Variants in MSANTD7 observed in about 807,000 individuals in gnomAD.
MSANTD7 encodes the protein zinc finger and SCAN domain containing 29.
chr10:14,838,517 TG>T, the MSANTD7 span: 13 of 1,499,834 alleles, frequency 8.7e-6, no homozygotes, highest in Non-Finnish European at 1.1e-5. Flanking sequence ...TTTCTGGCGC[TG>T]GGTCATCCAC....
At chr10:14,843,796 G>C in the MSANTD7 span, 1 of 1,536,360 alleles carries the variant, frequency 6.5e-7, no homozygotes, top group Non-Finnish European at 8.7e-7. Flanking sequence ...TGTCATCGCA[G>C]TCAGACGTTT....
the MSANTD7 span, chr10:14,840,220 A>G: frequency 1.2e-6 from 1 of 844,404 alleles, no homozygotes; most frequent in Non-Finnish European, 1.7e-6. Flanking sequence ...TTCTAAGCAT[A>G]ATGTGAAAAG....
the MSANTD7 span, chr10:14,839,761 A>C: frequency 2.1e-6 from 1 of 474,738 alleles, no homozygotes; most frequent in East Asian, 3.4e-5. Context: ...AAACGAGGAA[A>C]TTAAATGGTA....
chr10:14,845,600 T>TA, the MSANTD7 span: 33,453 of 838,162 alleles, frequency 0.04, 570 homozygotes, highest in Admixed American at 0.083. Flanking sequence ...TTATTATTAT[T>TA]TTTTTTTTTT....
At chr10:14,843,580 A>G in the MSANTD7 span, 1 of 1,550,666 alleles carries the variant, frequency 6.4e-7, no homozygotes, top group Non-Finnish European at 8.7e-7. Flanking sequence ...TGGTGGGGAT[A>G]GGCCCTTGAC....
chr10:14,842,711 A>G, the MSANTD7 span: 1 of 1,536,484 alleles, frequency 6.5e-7, no homozygotes, highest in East Asian at 2.4e-5. The surrounding 1 kb of genome is among the most constrained non-coding windows in gnomAD (Gnocchi z 5.2). Context: ...AAAATCAAAA[A>G]GGACTCAGGC....
At chr10:14,842,264 A>G in the MSANTD7 span, 23 of 1,535,164 alleles carry the variant, frequency 1.5e-5, no homozygotes, top group African/African-American at 2.9e-4. This position sits in a 1 kb window ranked among gnomAD's most constrained non-coding sequence, Gnocchi z 5.2. Context: ...GAAGCTGCCT[A>G]GCCCTCCTTT....
chr10:14,846,686 C>G, the MSANTD7 span: 1 of 960,760 alleles, frequency 1.0e-6, no homozygotes, highest in African/African-American at 1.8e-5. Context: ...TTGTGAGGAT[C>G]AAAGGAACAG....
chr10:14,840,059 T>TA, the MSANTD7 span: 241 of 1,178,710 alleles, frequency 2.0e-4, no homozygotes, highest in African/African-American at 4.2e-3. Flanking sequence ...TATATATATA[T>TA]TATTTTTTTT....
chr10:14,840,230 G>A, the MSANTD7 span: 1 of 744,522 alleles, frequency 1.3e-6, no homozygotes, highest in Non-Finnish European at 2.0e-6. Flanking sequence ...AATGTGAAAA[G>A]AAATTAGAAA....
the MSANTD7 span, chr10:14,838,647 G>C: frequency 1.7e-6 from 1 of 571,852 alleles, no homozygotes. Flanking sequence ...CCTCCGGAAA[G>C]TCGTCTACTC....
the MSANTD7 span, chr10:14,841,269 G>A: frequency 6.6e-6 from 1 of 152,106 alleles, no homozygotes; most frequent in African/African-American, 2.4e-5. Context: ...ATAAAACTTA[G>A]TACCGAGCAT....
At chr10:14,843,240 C>T in the MSANTD7 span, 9 of 1,131,682 alleles carry the variant, frequency 8.0e-6, no homozygotes, top group African/African-American at 7.7e-5. Flanking sequence ...ATGGATTCTT[C>T]CCAGTCCCTG....
the MSANTD7 span, chr10:14,842,510 G>A: frequency 0.086 from 132,769 of 1,536,000 alleles, 6,332 homozygotes; most frequent in Middle Eastern, 0.13. This position sits in a 1 kb window ranked among gnomAD's most constrained non-coding sequence, Gnocchi z 5.2. Context: ...ATATTTAAAG[G>A]CCTATGTTGC....
At chr10:14,840,034 A>G in the MSANTD7 span, 32 of 1,386,228 alleles carry the variant, frequency 2.3e-5, 1 homozygote, top group South Asian at 3.9e-4. Flanking sequence ...AAAATTACAT[A>G]CATTGTAATA....
At chr10:14,842,847 G>A in the MSANTD7 span, 1 of 1,525,740 alleles carries the variant, frequency 6.6e-7, no homozygotes, top group Non-Finnish European at 8.8e-7. The surrounding 1 kb of genome is among the most constrained non-coding windows in gnomAD (Gnocchi z 5.2). Flanking sequence ...TCGGGTGCAG[G>A]TAACTCCCAA....
chr10:14,846,703 G>C, the MSANTD7 span: 3 of 974,744 alleles, frequency 3.1e-6, no homozygotes, highest in Non-Finnish European at 3.7e-6. Flanking sequence ...ACAGATGAAT[G>C]TATGAGCACT....
chr10:14,843,833 G>T, the MSANTD7 span: 11 of 1,536,392 alleles, frequency 7.2e-6, no homozygotes, highest in Admixed American at 2.2e-4. Context: ...GAGGCAACTG[G>T]TGCTTTTCAG....
chr10:14,845,965 A>G, the MSANTD7 span: 1 of 908,974 alleles, frequency 1.1e-6, no homozygotes, highest in Non-Finnish European at 1.3e-6. Flanking sequence ...AGCATAATAA[A>G]AGACAAAATG....
Sources: gnomAD v4.1 joint callset for allele counts on GRCh38, gnomAD v4.1.1 for gene constraint, Gnocchi (gnomAD v3.1) non-coding constraint, MANE v1.5 for transcripts, NCBI Gene and HGNC (gene_info 2026-07-23, HGNC 2026-07-21) for gene names.